SMG6: variants seen among roughly 807,000 people sequenced by gnomAD.
SMG6 encodes the protein telomerase-binding protein EST1A.
Under a neutral mutation model 142.2 loss-of-function variants are expected in SMG6, and 66 were observed. The ratio of observed to expected loss-of-function variants is 0.46; its 90% CI spans 0.38 to 0.57. The LOEUF is 0.57. Ranked by LOEUF, SMG6 falls within the 20% of genes least tolerant of loss-of-function variation. The pLI is 0.00. For missense variants in SMG6, 1,793 were observed against 1,832.0 expected, an observed-to-expected ratio of 0.98 and a Z score of 0.39; for synonymous variants, 779 against 702.4, an observed-to-expected ratio of 1.11 and a Z score of -1.72.
At chr17:2,286,434 C>T (rs1454669889) in intron 6 of SMG6, among the ~76,000 whole-genome samples, 4 of 151,596 alleles carry the variant, frequency 2.6e-5, no homozygotes, top group African/African-American at 9.7e-5. Flanking sequence ...TGGAAGAAAA[C>T]TGAGAGCTCA....
At chr17:2,193,173 GCTGT>G in intron 10 of SMG6, among the ~76,000 whole-genome samples, 1 of 152,334 alleles carries the variant, frequency 6.6e-6, no homozygotes, top group African/African-American at 2.4e-5. Flanking sequence ...GGGCTTGGGT[GCTGT>G]CTATGTGGTA....
At chr17:2,170,524 C>T (rs778473343) in intron 13 of SMG6, among the ~76,000 whole-genome samples, 1 of 152,264 alleles carries the variant, frequency 6.6e-6, no homozygotes, top group Non-Finnish European at 1.5e-5. Context: ...TCTAACTCAA[C>T]ATCTTCCACA....
intron 13 of SMG6, among the ~76,000 whole-genome samples, chr17:2,125,471 A>C (rs1404870223): frequency 6.6e-6 from 1 of 152,242 alleles, no homozygotes; most frequent in African/African-American, 2.4e-5. Context: ...AACAAATTTA[A>C]ATTTCCTAAA....
chr17:2,088,778 C>T, intron 13 of SMG6: 1 of 985,368 alleles, frequency 1.0e-6, no homozygotes, highest in South Asian at 4.7e-5. Flanking sequence ...TGCCCAGAGG[C>T]ACAGAGAAAC....
chr17:2,265,933 C>A, intron 8 of SMG6: 1 of 956,084 alleles, frequency 1.0e-6, no homozygotes, highest in Non-Finnish European at 1.2e-6. Flanking sequence ...GCCTTACCAC[C>A]TAAGAACTGG....
chr17:2,226,756 G>A (rs763161562), intron 10 of SMG6, among the ~76,000 whole-genome samples: 14 of 151,928 alleles, frequency 9.2e-5, no homozygotes, highest in Non-Finnish European at 1.3e-4. Context: ...TTAGCCAGGC[G>A]TGGTGGTGAG....
intron 6 of SMG6, among the ~76,000 whole-genome samples, chr17:2,291,771 C>T (rs1350393965): frequency 6.9e-6 from 1 of 144,156 alleles, no homozygotes; most frequent in African/African-American, 2.5e-5. Context: ...ACTTGGGAGG[C>T]TGAGGCAGGA....
At chr17:2,254,391 C>G (rs1414291614) in intron 8 of SMG6, among the ~76,000 whole-genome samples, 6 of 152,186 alleles carry the variant, frequency 3.9e-5, no homozygotes, top group African/African-American at 7.2e-5. Flanking sequence ...CTGGAGTACA[C>G]TGGTGCAATC....
intron 13 of SMG6, among the ~76,000 whole-genome samples, chr17:2,136,028 G>GTGTC (rs1555542557): frequency 2.0e-5 from 3 of 149,536 alleles, no homozygotes; most frequent in East Asian, 2.0e-4. Flanking sequence ...GTGTGTGTGT[G>GTGTC]TGTGTGTGTC....
intron 13 of SMG6, among the ~76,000 whole-genome samples, chr17:2,154,720 TTAA>T (rs1355256624): frequency 2.6e-5 from 4 of 152,114 alleles, no homozygotes; most frequent in Admixed American, 1.3e-4. Flanking sequence ...GAAACTATTG[TTAA>T]TAATAAACAC....
chr17:2,289,216 T>C (rs539978418), intron 6 of SMG6, among the ~76,000 whole-genome samples: 5 of 151,600 alleles, frequency 3.3e-5, no homozygotes, highest in South Asian at 2.1e-4. Context: ...TGCCACTGTA[T>C]TCCAGCCTGG....
At chr17:2,258,401 C>CA (rs1356779465) in intron 8 of SMG6, among the ~76,000 whole-genome samples, 2 of 151,426 alleles carry the variant, frequency 1.3e-5, no homozygotes, top group Non-Finnish European at 3.0e-5. Flanking sequence ...ACTAAAATCA[C>CA]AAAAAAATTA....
At chr17:2,231,219 C>T (rs1008399178) in intron 10 of SMG6, among the ~76,000 whole-genome samples, 1 of 152,108 alleles carries the variant, frequency 6.6e-6, no homozygotes, top group Non-Finnish European at 1.5e-5. Flanking sequence ...ACTTCGGTTG[C>T]GAACCAAACT....
intron 4 of SMG6, among the ~76,000 whole-genome samples, chr17:2,294,929 G>A (rs1460222609): frequency 6.6e-6 from 1 of 151,470 alleles, no homozygotes; most frequent in East Asian, 1.9e-4. Context: ...AGGCTAGAGT[G>A]CAATAACGCA....
chr17:2,157,730 G>A (rs1472144064), intron 13 of SMG6, among the ~76,000 whole-genome samples: 2 of 152,212 alleles, frequency 1.3e-5, no homozygotes, highest in Non-Finnish European at 2.9e-5. Flanking sequence ...ATCAGGAGGT[G>A]TTGGTCACCA....
chr17:2,123,623 G>C (rs2069773785), intron 13 of SMG6, among the ~76,000 whole-genome samples: 1 of 152,188 alleles, frequency 6.6e-6, no homozygotes, highest in African/African-American at 2.4e-5. Context: ...TATGCCAAAA[G>C]GGAAGTCGAG....
intron 13 of SMG6, among the ~76,000 whole-genome samples, chr17:2,121,527 A>G (rs1248242643): frequency 2.1e-5 from 3 of 146,060 alleles, no homozygotes; most frequent in African/African-American, 7.8e-5. Flanking sequence ...ATTATAATAT[A>G]ATTATATGAT....
chr17:2,238,774 T>A (rs1411593114), intron 9 of SMG6, among the ~76,000 whole-genome samples: 1 of 152,216 alleles, frequency 6.6e-6, no homozygotes, highest in Non-Finnish European at 1.5e-5. Flanking sequence ...ACTGAAGTCT[T>A]GAACGAGCAC....
At chr17:2,256,439 G>A (rs377503469) in intron 8 of SMG6, among the ~76,000 whole-genome samples, 39 of 152,088 alleles carry the variant, frequency 2.6e-4, no homozygotes, top group African/African-American at 8.7e-4. Context: ...ACAGACTAGC[G>A]GTGGTGCAGA....
Sources: gnomAD v4.1 joint callset for allele counts (sites outside exome capture counted in the v4.1 genomes callset) on GRCh38, gnomAD v4.1.1 for gene constraint, MANE v1.5 for transcripts, NCBI Gene and HGNC (gene_info 2026-07-23, HGNC 2026-07-21) for gene names.